Variants in PLEKHM3 observed in about 807,000 individuals in gnomAD.
PLEKHM3 encodes the protein pleckstrin homology domain-containing family M member 3.
Under a neutral mutation model 81.8 loss-of-function variants are expected in PLEKHM3, and 45 were observed. The ratio of observed to expected loss-of-function variants is 0.55; its 90% confidence interval spans 0.43 to 0.71. PLEKHM3 has a LOEUF of 0.71. Ranked by LOEUF, PLEKHM3 falls within the 30% of genes least tolerant of loss-of-function variation. The pLI, the probability that PLEKHM3 is intolerant of heterozygous loss-of-function variation, is 0.00. For missense variants in PLEKHM3, 788 were observed against 924.3 expected (o/e 0.85, Z 1.91); for synonymous variants, 352 against 356.4 (o/e 0.99, Z 0.14).
intron 1 of PLEKHM3, among the ~76,000 whole-genome samples, chr2:208,020,716 A>T (rs1312578194): frequency 6.6e-6 from 1 of 152,230 alleles, no homozygotes; most frequent in African/African-American, 2.4e-5. Context: ...GAAGAAAAAA[A>T]AACTCCTTGC....
At chr2:207,902,612 A>C (rs1007840481) in intron 6 of PLEKHM3, among the ~76,000 whole-genome samples, 9 of 152,326 alleles carry the variant, frequency 5.9e-5, no homozygotes, top group African/African-American at 1.9e-4. Context: ...AACACTAAAC[A>C]ACTCCCCATT....
At chr2:207,966,788 C>T (rs888424873) in intron 3 of PLEKHM3, among the ~76,000 whole-genome samples, 2 of 152,066 alleles carry the variant, frequency 1.3e-5, no homozygotes, top group Non-Finnish European at 2.9e-5. Flanking sequence ...CTCCTGACCT[C>T]GTGATCCACC....
At position 207,823,243 on chromosome 2, in the gene PLEKHM3, C is replaced by A. The variant is rs1490497599; in HGVS notation, c.*5076G>T. On this transcript the variant is annotated 3_prime_UTR_variant, in exon 8 of 8. Coordinates refer to ENST00000427836, the MANE Select transcript of PLEKHM3 (RefSeq NM_001080475.3). ...CTCACTTGAGTTTAGCAATGCTTTC[C>A]ATCACACCAGCGGCCACTTTACGAA... 6.6e-6 allele frequency: 1 copy of A among 152,082 alleles called. No individual in the cohort carries two copies. The highest frequency in any genetic ancestry group is 2.4e-5 in the African/African-American group (1 of 41,406). The allele number at this position is 152,082 out of a possible 1,614,324, so 9.4% of individuals were successfully genotyped here.
intron 6 of PLEKHM3, among the ~76,000 whole-genome samples, chr2:207,868,163 C>T (rs1347664148): frequency 6.6e-6 from 1 of 152,216 alleles, no homozygotes; most frequent in Non-Finnish European, 1.5e-5. Flanking sequence ...AAACAGTGTG[C>T]TCTGGCTAGA....
At chr2:207,859,882 C>T (rs1237679497) in intron 7 of PLEKHM3, among the ~76,000 whole-genome samples, 2 of 152,184 alleles carry the variant, frequency 1.3e-5, no homozygotes, top group African/African-American at 4.8e-5. Context: ...CAGGCGTGAG[C>T]CACCGCACCC....
chr2:207,980,853 G>A (rs957167563), intron 2 of PLEKHM3, among the ~76,000 whole-genome samples: 1 of 152,136 alleles, frequency 6.6e-6, no homozygotes. Flanking sequence ...AATCGGCCGG[G>A]CACGGTGGCT....
chr2:207,824,259 G>A lies in PLEKHM3; in HGVS notation c.*4060C>T, dbSNP rs771038469. ...ACATTATTTCAGAGTAAGAAAAGAA[G>A]TGGTGCAGACAACTCAAGAAATAAA... On this transcript the variant is annotated 3_prime_UTR_variant, in exon 8 of 8. Transcript: ENST00000427836. 4 of 152,220 alleles carry A rather than the reference G, an allele frequency of 2.6e-5. No homozygotes were observed. Among genetic ancestry groups the A allele is most frequent in the Non-Finnish European group, 5.9e-5 (4 of 68,042 alleles). 9.4% of individuals were successfully genotyped at this position (152,220 alleles called of 1,614,324 possible). A position where few individuals can be genotyped will look rare whatever the true frequency, so the allele number is the denominator to read the frequency against.
At chr2:207,916,034 C>T (rs866925553) in intron 5 of PLEKHM3, among the ~76,000 whole-genome samples, 3 of 152,266 alleles carry the variant, frequency 2.0e-5, no homozygotes, top group Middle Eastern at 3.4e-3. Flanking sequence ...CAGCCATACT[C>T]TGAGCTAATG....
At chr2:207,967,733 C>G (rs1690967616) in intron 3 of PLEKHM3, among the ~76,000 whole-genome samples, 2 of 152,190 alleles carry the variant, frequency 1.3e-5, no homozygotes, top group Admixed American at 6.5e-5. Context: ...ATGACATTTA[C>G]TATGTGCCAG....
intron 2 of PLEKHM3, among the ~76,000 whole-genome samples, chr2:207,983,343 G>A (rs552076773): frequency 5.3e-5 from 8 of 152,234 alleles, no homozygotes; most frequent in Non-Finnish European, 7.4e-5. Flanking sequence ...GAGCCACCAC[G>A]CCTGGCCTAA....
intron 6 of PLEKHM3, among the ~76,000 whole-genome samples, chr2:207,877,977 C>A (rs2092567644): frequency 6.6e-6 from 1 of 152,134 alleles, no homozygotes; most frequent in African/African-American, 2.4e-5. Flanking sequence ...CCTCTGTCAT[C>A]CAGGCTGGAG....
chr2:207,862,825 T>C (rs902189551), intron 6 of PLEKHM3, among the ~76,000 whole-genome samples: 6 of 152,138 alleles, frequency 3.9e-5, no homozygotes, highest in Non-Finnish European at 8.8e-5. Flanking sequence ...AGATAAAAAC[T>C]GAAGTGGTTT....
chr2:208,011,464 C>G (rs369693340), intron 1 of PLEKHM3, among the ~76,000 whole-genome samples: 2 of 152,118 alleles, frequency 1.3e-5, no homozygotes, highest in East Asian at 3.9e-4. Flanking sequence ...TTACAGCAAC[C>G]TGGATGGGAT....
At chr2:207,883,467 C>A (rs1687769762) in intron 6 of PLEKHM3, among the ~76,000 whole-genome samples, 1 of 152,236 alleles carries the variant, frequency 6.6e-6, no homozygotes, top group Admixed American at 6.5e-5. Flanking sequence ...CAGGTTTTCA[C>A]ATACATTTCT....
At chr2:207,933,656 C>T (rs1239137838) in intron 4 of PLEKHM3, among the ~76,000 whole-genome samples, 1 of 151,826 alleles carries the variant, frequency 6.6e-6, no homozygotes, top group East Asian at 1.9e-4. Context: ...TACTTAAGCC[C>T]GAAAGGAAGA....
intron 7 of PLEKHM3, among the ~76,000 whole-genome samples, chr2:207,839,727 C>T (rs2092339630): frequency 6.6e-6 from 1 of 152,026 alleles, no homozygotes; most frequent in African/African-American, 2.4e-5. Context: ...CCCAGGAGTT[C>T]AGGACCTGGG....
At chr2:207,840,895 G>C (rs1305946235) in intron 7 of PLEKHM3, among the ~76,000 whole-genome samples, 1 of 149,864 alleles carries the variant, frequency 6.7e-6, no homozygotes, top group Non-Finnish European at 1.5e-5. Context: ...CCGCCTCCTG[G>C]GTTCAAGTGA....
At chr2:207,934,343 G>A (rs1386260407) in intron 4 of PLEKHM3, among the ~76,000 whole-genome samples, 1 of 152,104 alleles carries the variant, frequency 6.6e-6, no homozygotes, top group Non-Finnish European at 1.5e-5. Flanking sequence ...AGATGAATGA[G>A]CTCAAATGAA....
intron 2 of PLEKHM3, 102 bp from the exon 3 acceptor site, chr2:207,977,688 G>T: frequency 1.0e-6 from 1 of 975,932 alleles, no homozygotes; most frequent in Non-Finnish European, 1.5e-6. Flanking sequence ...CACAGATCAG[G>T]GACTGACAGT....
Sources: gnomAD v4.1 joint callset for allele counts (sites outside exome capture counted in the v4.1 genomes callset) on GRCh38, gnomAD v4.1.1 for gene constraint, MANE v1.5 for transcripts, NCBI Gene and HGNC (gene_info 2026-07-23, HGNC 2026-07-21) for gene names.